Variants in SAMD5 observed in about 807,000 individuals in gnomAD.
SAMD5 encodes sterile alpha motif domain-containing protein 5.
In SAMD5, 13 loss-of-function variants were observed where a neutral mutation model predicts 11.3. The observed-to-expected ratio is 1.15, with a 90% confidence interval of 0.75 to 1.83. SAMD5 has a LOEUF of 1.83. Among genes scored for constraint, SAMD5 ranks in the 40% most tolerant of loss-of-function variants. SAMD5 has a pLI of 0.00. For synonymous variants in SAMD5, 129 were observed against 111.3 expected, an observed-to-expected ratio of 1.16 and a Z score of -1.00; for missense variants, 255 against 239.1, an observed-to-expected ratio of 1.07 and a Z score of -0.44.
At chr6:147,879,039 G>C in the SAMD5 span, among the ~76,000 whole-genome samples, 1 of 152,144 alleles carries the variant, frequency 6.6e-6, no homozygotes, top group South Asian at 2.1e-4. Flanking sequence ...TTTAAGGAAG[G>C]ACTTGGATAT....
the SAMD5 span, among the ~76,000 whole-genome samples, chr6:147,769,820 G>T: frequency 1.3e-5 from 2 of 152,158 alleles, no homozygotes; most frequent in Admixed American, 1.3e-4. Flanking sequence ...TCTGTCTCAA[G>T]AAATGGAAAT....
chr6:147,954,149 C>G, the SAMD5 span, among the ~76,000 whole-genome samples: 1 of 152,162 alleles, frequency 6.6e-6, no homozygotes, highest in Admixed American at 6.5e-5. Context: ...TTTGTTTTCA[C>G]TGAAGTATTT....
chr6:147,708,970 T>C (rs1409919892), intron 1 of SAMD5, among the ~76,000 whole-genome samples: 1 of 152,234 alleles, frequency 6.6e-6, no homozygotes, highest in Non-Finnish European at 1.5e-5. Flanking sequence ...ATTTTAAAAA[T>C]TGCCAGTGTT....
At chr6:147,807,743 C>G in the SAMD5 span, among the ~76,000 whole-genome samples, 1 of 152,106 alleles carries the variant, frequency 6.6e-6, no homozygotes, top group Non-Finnish European at 1.5e-5. Flanking sequence ...TATTTAGAAC[C>G]TTTCGTGTGT....
chr6:147,586,110 A>C (rs1474392175), intron 1 of SAMD5, among the ~76,000 whole-genome samples: 1 of 152,172 alleles, frequency 6.6e-6, no homozygotes, highest in East Asian at 1.9e-4. Flanking sequence ...TCTGCCAGTC[A>C]TCTGGGCTTC....
At chr6:147,904,527 G>A in the SAMD5 span, among the ~76,000 whole-genome samples, 3 of 152,202 alleles carry the variant, frequency 2.0e-5, no homozygotes, top group African/African-American at 7.2e-5. Context: ...CCATTACAGT[G>A]TGGGTCTGTT....
At chr6:147,663,419 G>A (rs193079505) in intron 1 of SAMD5, among the ~76,000 whole-genome samples, 1 of 152,136 alleles carries the variant, frequency 6.6e-6, no homozygotes. Context: ...AAATCCCCAT[G>A]AACCAAGCTT....
At chr6:147,938,516 G>A in the SAMD5 span, among the ~76,000 whole-genome samples, 1 of 152,168 alleles carries the variant, frequency 6.6e-6, no homozygotes, top group Non-Finnish European at 1.5e-5. Context: ...GTGATAAGCT[G>A]ACACTCTGGT....
rs184451299 is a variant in SAMD5, at chr6:147,591,211, C to A, written c.162+81824C>A. Among the ~76,000 whole-genome samples, 804 of 151,850 alleles carry A rather than the reference C, an allele frequency of 5.3e-3. 10 individuals carry two copies. Among genetic ancestry groups the A allele is most frequent in the Non-Finnish European group, 6.1e-3 (417 of 67,948 alleles). ...GAGCAACTACCTCTCTTAAAATCAACCATTTCACAGAATGCTCATATTGAT... is the reference window on the plus strand; with the variant it reads ...GAGCAACTACCTCTCTTAAAATCAAACATTTCACAGAATGCTCATATTGAT... On this transcript the variant is annotated intron_variant, in intron 1 of 1. Transcript: ENST00000566741.
chr6:147,802,953 G>T, the SAMD5 span, among the ~76,000 whole-genome samples: 21,788 of 152,212 alleles, frequency 0.14, 1,736 homozygotes, highest in African/African-American at 0.19. Context: ...GTGTTGACTG[G>T]TTGTGTATCA....
At chr6:147,751,298 C>T in the SAMD5 span, among the ~76,000 whole-genome samples, 5 of 152,106 alleles carry the variant, frequency 3.3e-5, no homozygotes, top group Non-Finnish European at 7.3e-5. Context: ...ATCTTTCACC[C>T]GTTTAACATG....
At chr6:147,639,257 T>C (rs1718724210) in intron 1 of SAMD5, among the ~76,000 whole-genome samples, 2 of 152,108 alleles carry the variant, frequency 1.3e-5, no homozygotes, top group Non-Finnish European at 2.9e-5. Context: ...ATTAAGAAAA[T>C]ATAAAAGAAC....
At chr6:147,821,264 G>A in the SAMD5 span, among the ~76,000 whole-genome samples, 3 of 152,166 alleles carry the variant, frequency 2.0e-5, no homozygotes, top group African/African-American at 7.2e-5. Flanking sequence ...CTTCTTCCAT[G>A]GATGTGATAT....
intron 1 of SAMD5, among the ~76,000 whole-genome samples, chr6:147,641,994 A>C (rs1790319451): frequency 6.6e-6 from 1 of 152,176 alleles, no homozygotes; most frequent in Non-Finnish European, 1.5e-5. Context: ...TTATTTTCCT[A>C]TTTTATTGTT....
chr6:147,904,259 C>T, the SAMD5 span, among the ~76,000 whole-genome samples: 3 of 152,116 alleles, frequency 2.0e-5, no homozygotes, highest in African/African-American at 4.8e-5. Flanking sequence ...TCCCCATTGG[C>T]GTGTGCATGA....
chr6:147,817,946 T>C, the SAMD5 span, among the ~76,000 whole-genome samples: 2 of 152,204 alleles, frequency 1.3e-5, no homozygotes. Context: ...GAAAGGTTGG[T>C]TCCATATGGT....
the SAMD5 span, among the ~76,000 whole-genome samples, chr6:147,792,388 G>C: frequency 6.6e-6 from 1 of 152,114 alleles, no homozygotes; most frequent in Non-Finnish European, 1.5e-5. Context: ...ATAAGTAAAG[G>C]GAGAAAGCTA....
intron 1 of SAMD5, among the ~76,000 whole-genome samples, chr6:147,635,528 C>T (rs1049496441): frequency 6.6e-5 from 10 of 152,160 alleles, no homozygotes; most frequent in South Asian, 2.1e-4. Flanking sequence ...CAGTCTATTT[C>T]GACTTCATGC....
At chr6:147,646,963 C>T (rs1041100551) in intron 1 of SAMD5, among the ~76,000 whole-genome samples, 6 of 146,626 alleles carry the variant, frequency 4.1e-5, no homozygotes, top group South Asian at 2.1e-4. Flanking sequence ...CATGGTGAAA[C>T]CTCATCTCTA....
Sources: allele counts gnomAD v4.1 joint callset (sites outside exome capture counted in the v4.1 genomes callset), GRCh38; gene constraint gnomAD v4.1.1; transcripts MANE v1.5; gene names NCBI Gene and HGNC (gene_info 2026-07-23, HGNC 2026-07-21).